BAALC: variants seen among roughly 807,000 people sequenced by gnomAD.
BAALC encodes the protein BAALC binder of MAP3K1 and KLF4, also known as brain and acute leukemia cytoplasmic protein.
In BAALC, 9 loss-of-function variants were observed where a neutral mutation model predicts 15.5. That is an observed-to-expected ratio of 0.58 (90% CI 0.35 to 1.02). The LOEUF is 1.02. Ranked by LOEUF, BAALC falls within the 50% of genes least tolerant of loss-of-function variation. The pLI is 0.02. For missense variants in BAALC, 201 were observed against 192.4 expected (o/e 1.04, Z -0.27); for synonymous variants, 80 against 74.6 (o/e 1.07, Z -0.37).
intron 1 of BAALC, chr8:103,200,690 C>A: frequency 1.4e-6 from 1 of 699,782 alleles, no homozygotes. Flanking sequence ...GATCAAGGCA[C>A]CAACAGATTC....
At chr8:103,224,248 A>G (rs1254437659) in intron 2 of BAALC, among the ~76,000 whole-genome samples, 1 of 152,180 alleles carries the variant, frequency 6.6e-6, no homozygotes, top group Non-Finnish European at 1.5e-5. Flanking sequence ...TGAGCCAAAT[A>G]TGAGTGACCA....
intron 1 of BAALC, among the ~76,000 whole-genome samples, chr8:103,192,000 T>C (rs1405961225): frequency 6.6e-6 from 1 of 152,216 alleles, no homozygotes; most frequent in Non-Finnish European, 1.5e-5. Context: ...GTGTCTTATA[T>C]GACTGCCACA....
intron 1 of BAALC, among the ~76,000 whole-genome samples, chr8:103,195,069 C>T (rs1465147914): frequency 1.3e-5 from 2 of 152,130 alleles, no homozygotes; most frequent in African/African-American, 2.4e-5. Context: ...GGAGACCCTT[C>T]CTGTTCTGCA....
chr8:103,156,467 A>G (rs1811094334), intron 1 of BAALC, among the ~76,000 whole-genome samples: 1 of 152,166 alleles, frequency 6.6e-6, no homozygotes, highest in African/African-American at 2.4e-5. Flanking sequence ...TTCATAAGGG[A>G]TTCTCCTTGC....
chr8:103,140,963 G>A lies in BAALC; in HGVS notation c.66G>A (p.Glu22=). Reference sequence around the variant, plus strand: ...GCTACTACGAGAGCTGGACCCGGGAGACAGAATCCACCTGGCTCACCTACA... The same window carrying A: ...GCTACTACGAGAGCTGGACCCGGGAAACAGAATCCACCTGGCTCACCTACA... ...EPRYYESWTR[E]TESTWLTYTD... is the part of the protein sequence containing the mutation. The change falls in exon 1 of 3, where the codon GAG becomes GAA. Residue 22 remains glutamate (E), a synonymous_variant. Transcript: ENST00000309982. This position sits in a 1 kb window ranked among gnomAD's most constrained non-coding sequence, Gnocchi z 4.2. 1 of 1,541,910 alleles carries A rather than the reference G, an allele frequency of 6.5e-7. No homozygotes were observed. Among genetic ancestry groups the A allele is most frequent in the Non-Finnish European group, 8.7e-7 (1 of 1,145,296 alleles).
chr8:103,163,101 T>C (rs557016473), intron 1 of BAALC, among the ~76,000 whole-genome samples: 1 of 152,180 alleles, frequency 6.6e-6, no homozygotes, highest in Admixed American at 6.5e-5. Flanking sequence ...ACCTGGCCAA[T>C]CTCCTCTGCC....
At position 103,179,753 on chromosome 8, in the gene BAALC, C is replaced by T. The variant is rs144687986; in HGVS notation, c.161-33166C>T. On this transcript the variant is annotated intron_variant, in intron 1 of 2. Transcript: ENST00000309982. The stretch of plus-strand genomic sequence containing the variant: ...GCTCACAGCCAGGTGATGGCTAACA[C>T]GAGGTCCTGCTCTTGAGGCACTGAT... Among the ~76,000 whole-genome samples the T allele has an allele frequency of 3.0e-3, 458 of 152,354 alleles. 2 individuals carry two copies. The highest frequency in any genetic ancestry group is 0.011 in the African/African-American group (439 of 41,586).
chr8:103,211,950 TC>T (rs1812455262), intron 1 of BAALC, among the ~76,000 whole-genome samples: 1 of 152,218 alleles, frequency 6.6e-6, no homozygotes, highest in African/African-American at 2.4e-5. Context: ...GCTTCTGACA[TC>T]ATACTTGGCA....
intron 1 of BAALC, among the ~76,000 whole-genome samples, chr8:103,169,943 C>G (rs72671392): frequency 6.6e-6 from 1 of 152,088 alleles, no homozygotes; most frequent in Non-Finnish European, 1.5e-5. Flanking sequence ...TATCTAGTGG[C>G]TTCCATTCCT....
At chr8:103,216,500 T>A (rs1812559906) in intron 2 of BAALC, among the ~76,000 whole-genome samples, 1 of 152,202 alleles carries the variant, frequency 6.6e-6, no homozygotes, top group Non-Finnish European at 1.5e-5. Flanking sequence ...TTTATCTATT[T>A]ATTTATAGAT....
intron 1 of BAALC, among the ~76,000 whole-genome samples, chr8:103,169,383 TC>T (rs1244578263): frequency 2.6e-5 from 4 of 152,174 alleles, no homozygotes; most frequent in Non-Finnish European, 5.9e-5. Context: ...CAAGTTTATG[TC>T]CCCCACCCCG....
intron 2 of BAALC, among the ~76,000 whole-genome samples, chr8:103,218,185 C>T (rs1812603645): frequency 6.6e-6 from 1 of 152,170 alleles, no homozygotes; most frequent in African/African-American, 2.4e-5. Context: ...ACCATATCTT[C>T]CTTTTTGTCA....
chr8:103,209,928 TC>T (rs1812415873), intron 1 of BAALC, among the ~76,000 whole-genome samples: 1 of 152,214 alleles, frequency 6.6e-6, no homozygotes, highest in Non-Finnish European at 1.5e-5. Context: ...TATTCTAGGC[TC>T]TTCTGTGGGT....
intron 2 of BAALC, among the ~76,000 whole-genome samples, chr8:103,224,411 C>T (rs1167277297): frequency 9.5e-6 from 1 of 105,138 alleles, no homozygotes; most frequent in South Asian, 3.5e-4. Flanking sequence ...CAGGACAACT[C>T]AAAGCAGAGT....
At chr8:103,155,681 C>T (rs1251541124) in intron 1 of BAALC, among the ~76,000 whole-genome samples, 1 of 152,186 alleles carries the variant, frequency 6.6e-6, no homozygotes, top group Non-Finnish European at 1.5e-5. Context: ...AATCACCTTA[C>T]TCATCTTTCT....
chr8:103,210,018 TG>T (rs1156545051), intron 1 of BAALC, among the ~76,000 whole-genome samples: 1 of 152,190 alleles, frequency 6.6e-6, no homozygotes, highest in Non-Finnish European at 1.5e-5. Context: ...TTTATGGGCC[TG>T]TTTTCCTGAT....
In BAALC at chr8:103,229,374, T is replaced by A. The variant is rs1812872962; in HGVS notation, c.*1275T>A. On this transcript the variant is annotated 3_prime_UTR_variant, in exon 3 of 3. Transcript: ENST00000309982. ...AATAGGCAGCCTATTGGTGTTATGT[T>A]TATGTAACATAGTCCAGAGAACTGA... is the stretch of plus-strand genomic sequence containing the variant. The A allele has an allele frequency of 6.6e-6, 1 of 152,326 alleles. No homozygotes were observed. The highest frequency in any genetic ancestry group is 2.4e-5 in the African/African-American group (1 of 41,570). 9.4% of individuals were successfully genotyped at this position (152,326 alleles called of 1,614,324 possible).
intron 2 of BAALC, among the ~76,000 whole-genome samples, chr8:103,219,968 T>C (rs980865589): frequency 7.2e-5 from 11 of 152,128 alleles, no homozygotes; most frequent in African/African-American, 2.7e-4. Context: ...TTTTAACCCT[T>C]ACAACTCTAA....
intron 2 of BAALC, among the ~76,000 whole-genome samples, chr8:103,227,162 CCTGA>C (rs1040716116): frequency 3.3e-4 from 50 of 152,250 alleles, no homozygotes; most frequent in African/African-American, 1.2e-3. Flanking sequence ...GGTCATTCTT[CCTGA>C]CTGTGTGTGT....
Sources: allele counts gnomAD v4.1 joint callset (sites outside exome capture counted in the v4.1 genomes callset), GRCh38; gene constraint gnomAD v4.1.1; non-coding constraint Gnocchi (gnomAD v3.1); transcripts MANE v1.5; gene names NCBI Gene and HGNC (gene_info 2026-07-23, HGNC 2026-07-21).